The following KCNQ5 variants were observed in gnomAD, a reference collection of about 807,000 sequenced individuals.
KCNQ5 encodes the protein potassium voltage-gated channel subfamily Q member 5.
Under a neutral mutation model 98.2 loss-of-function variants are expected in KCNQ5, and 30 were observed. The ratio of observed to expected loss-of-function variants is 0.31; its 90% CI spans 0.23 to 0.41. The LOEUF (loss-of-function observed/expected upper bound fraction) is 0.41, where lower values mean the gene tolerates loss of function less well. Among genes scored for constraint, KCNQ5 ranks in the 10% least tolerant of loss-of-function variants. The pLI is 1.00. For synonymous variants in KCNQ5, 458 were observed against 449.4 expected, an observed-to-expected ratio of 1.02 and a Z score of -0.24; for missense variants, 835 against 1,182.5, an observed-to-expected ratio of 0.71 and a Z score of 4.31.
intron 1 of KCNQ5, among the ~76,000 whole-genome samples, chr6:72,888,515 T>C (rs895912592): frequency 2.6e-5 from 4 of 152,180 alleles, no homozygotes; most frequent in African/African-American, 9.7e-5. Flanking sequence ...AGTCAAATTT[T>C]ACTTTGAGAC....
chr6:73,105,109 G>A (rs1280036940), intron 5 of KCNQ5, 148 bp from the exon 6 acceptor site: 9 of 488,346 alleles, frequency 1.8e-5, no homozygotes, highest in South Asian at 3.7e-5. Flanking sequence ...TCTGTCATGC[G>A]TCATGGAAAA....
chr6:73,058,480 G>A (rs961289517), intron 3 of KCNQ5, among the ~76,000 whole-genome samples: 5 of 152,096 alleles, frequency 3.3e-5, no homozygotes, highest in African/African-American at 1.2e-4. Context: ...TGGACATATA[G>A]GACCTGGCAA....
chr6:72,672,412 T>G (rs1767170978), intron 1 of KCNQ5, among the ~76,000 whole-genome samples: 1 of 152,130 alleles, frequency 6.6e-6, no homozygotes, highest in Admixed American at 6.6e-5. Context: ...CCAGAAAATT[T>G]TATATGTATA....
At chr6:72,918,668 A>T (rs1003926294) in intron 1 of KCNQ5, among the ~76,000 whole-genome samples, 4 of 152,002 alleles carry the variant, frequency 2.6e-5, no homozygotes, top group Non-Finnish European at 2.9e-5. Context: ...AGCCAAACCA[A>T]TCAATACAAT....
chr6:72,927,151 A>AGG (rs1481319324), intron 1 of KCNQ5, among the ~76,000 whole-genome samples: 1 of 152,180 alleles, frequency 6.6e-6, no homozygotes, highest in Non-Finnish European at 1.5e-5. Context: ...CTGGGGCATG[A>AGG]GGGGGAGGAT....
At chr6:72,839,986 C>T (rs1406274306) in intron 1 of KCNQ5, among the ~76,000 whole-genome samples, 4 of 152,146 alleles carry the variant, frequency 2.6e-5, no homozygotes, top group South Asian at 2.1e-4. Context: ...TTGTTCCCTT[C>T]GACCGATATC....
intron 10 of KCNQ5, chr6:73,134,074 G>A (rs553298060): frequency 1.1e-4 from 50 of 453,632 alleles, no homozygotes; most frequent in Non-Finnish European, 2.0e-4. Flanking sequence ...CAACAATGAA[G>A]GTGCTCTTTC....
chr6:72,837,804 T>A (rs1034448373), intron 1 of KCNQ5, among the ~76,000 whole-genome samples: 1 of 152,178 alleles, frequency 6.6e-6, no homozygotes, highest in African/African-American at 2.4e-5. Flanking sequence ...TATATATATG[T>A]TGAAGCATGT....
At chr6:72,963,995 T>C (rs1442924434) in intron 1 of KCNQ5, among the ~76,000 whole-genome samples, 1 of 152,196 alleles carries the variant, frequency 6.6e-6, no homozygotes, top group Admixed American at 6.5e-5. Flanking sequence ...GTATATTTTT[T>C]TGTGAAGTCA....
chr6:72,772,538 C>T (rs1002239702), intron 1 of KCNQ5, among the ~76,000 whole-genome samples: 6 of 152,034 alleles, frequency 3.9e-5, no homozygotes, highest in South Asian at 2.1e-4. Flanking sequence ...AACATTAACA[C>T]GTGTTAACCT....
chr6:73,025,352 T>G (rs1050604953), intron 2 of KCNQ5, among the ~76,000 whole-genome samples: 1 of 152,048 alleles, frequency 6.6e-6, no homozygotes, highest in Non-Finnish European at 1.5e-5. Flanking sequence ...CCGGGAGAGG[T>G]GGCTCACGCC....
intron 1 of KCNQ5, among the ~76,000 whole-genome samples, chr6:72,762,108 C>T (rs1414009776): frequency 6.6e-6 from 1 of 151,928 alleles, no homozygotes; most frequent in Non-Finnish European, 1.5e-5. Context: ...TTCGCTATAC[C>T]CAGAGGGAAC....
intron 3 of KCNQ5, among the ~76,000 whole-genome samples, chr6:73,073,632 T>A (rs1340078740): frequency 6.6e-6 from 1 of 152,214 alleles, no homozygotes; most frequent in Non-Finnish European, 1.5e-5. Context: ...GATGGTCAGA[T>A]GAATGATTGA....
At position 72,850,178 on chromosome 6, in the gene KCNQ5, A is replaced by G. The variant is rs115576647; in HGVS notation, c.399-153730A>G. ...TTCTAGGAAGGCACATTGTCAGGTA[A>G]TAGATATAAGGCTGGCTCTGTCTTA... is the stretch of plus-strand genomic sequence containing the variant. On this transcript the variant is annotated intron_variant, in intron 1 of 13. Transcript: ENST00000370398. 7.8e-3 allele frequency among the ~76,000 whole-genome samples: 1,182 copies of G among 152,284 alleles called. 16 individuals carry two copies. Among genetic ancestry groups the G allele is most frequent in the African/African-American group, 0.027 (1,129 of 41,558 alleles).
At chr6:73,080,908 G>A (rs1582316515) in intron 5 of KCNQ5, among the ~76,000 whole-genome samples, 1 of 152,220 alleles carries the variant, frequency 6.6e-6, no homozygotes, top group South Asian at 2.1e-4. Flanking sequence ...ATCATGGTGG[G>A]ATCAGTGCTG....
chr6:72,732,664 G>T (rs1724256734), intron 1 of KCNQ5, among the ~76,000 whole-genome samples: 1 of 152,188 alleles, frequency 6.6e-6, no homozygotes, highest in African/African-American at 2.4e-5. Context: ...AATCACTGGA[G>T]GACTTGAAGC....
At chr6:72,637,118 C>T (rs1467749381) in intron 1 of KCNQ5, among the ~76,000 whole-genome samples, 1 of 152,112 alleles carries the variant, frequency 6.6e-6, no homozygotes. Context: ...ATAAAACATT[C>T]TGAGTATGTT....
chr6:72,884,327 G>A (rs1480081198), intron 1 of KCNQ5, among the ~76,000 whole-genome samples: 1 of 151,946 alleles, frequency 6.6e-6, no homozygotes, highest in Middle Eastern at 3.2e-3. Context: ...TGAAAATTCA[G>A]AGCCAAAACC....
At position 72,880,216 on chromosome 6, in the gene KCNQ5, G is replaced by T. The variant is rs551470248; in HGVS notation, c.399-123692G>T. Among the ~76,000 whole-genome samples the T allele has an allele frequency of 1.1e-4, 17 of 152,314 alleles. No homozygotes were observed. The East Asian group carries it at 3.1e-3, about 28-fold the overall frequency. ...AGGGACAAAATAATATAACTAGGTG[G>T]CTTATAAACAACAGAAATTTATTTC... is the stretch of plus-strand genomic sequence containing the variant. On this transcript the variant is annotated intron_variant, in intron 1 of 13. Transcript: ENST00000370398.
Sources: allele counts gnomAD v4.1 joint callset (sites outside exome capture counted in the v4.1 genomes callset), GRCh38; gene constraint gnomAD v4.1.1; transcripts MANE v1.5; gene names NCBI Gene and HGNC (gene_info 2026-07-23, HGNC 2026-07-21).